Variants in CYP27A1 observed in about 807,000 individuals in gnomAD.
CYP27A1 encodes sterol 26-hydroxylase, mitochondrial.
A neutral mutation model predicts 58.2 loss-of-function variants in CYP27A1; 46 were observed. The ratio of observed to expected loss-of-function variants is 0.79; its 90% CI spans 0.62 to 1.01. CYP27A1 has a LOEUF of 1.01. Ranked by LOEUF, CYP27A1 falls within the 50% of genes least tolerant of loss-of-function variation. The pLI is 0.00. For synonymous variants in CYP27A1, 274 were observed against 285.1 expected (o/e 0.96, Z 0.39); for missense variants, 704 against 687.0 (o/e 1.02, Z -0.28).
In CYP27A1 at chr2:218,812,368, CG is replaced by C. The variant is rs780580882; in HGVS notation, c.597del (p.Asn200ThrfsTer39). 4 of 1,614,074 alleles carry C rather than the reference CG, an allele frequency of 2.5e-6. No individual in the cohort carries two copies. On this transcript the variant is annotated frameshift_variant, in exon 3 of 9. Coordinates refer to ENST00000258415, the MANE Select transcript of CYP27A1 (RefSeq NM_000784.4). LOFTEE classifies it high-confidence loss of function. ...RLDQLRAESASGNQVSDMAQL... is the reference protein window; with the variant it reads ...RLDQLRAESAXGNQVSDMAQL... ...GACCAGCTGCGGGCAGAGAGTGCTT[CG>C]GGGAACCAGGTGTCGGACATGGCTC... is the stretch of plus-strand genomic sequence containing the variant.
intron 1 of CYP27A1, among the ~76,000 whole-genome samples, chr2:218,784,954 C>T (rs1407318723): frequency 6.6e-6 from 1 of 152,108 alleles, no homozygotes; most frequent in Admixed American, 6.5e-5. Context: ...TTTCCATGGA[C>T]TGGGGTGGTG....
chr2:218,809,799 G>A, intron 2 of CYP27A1, 32 bp downstream of exon 2: 1 of 1,597,660 alleles, frequency 6.3e-7, no homozygotes, highest in East Asian at 2.2e-5. Context: ...CTGGAACAGG[G>A]CCCCAGAGGG....
chr2:218,784,842 A>G (rs555970820), intron 1 of CYP27A1, among the ~76,000 whole-genome samples: 1 of 152,304 alleles, frequency 6.6e-6, no homozygotes, highest in Non-Finnish European at 1.5e-5. Context: ...GGGGCAGGTC[A>G]CAAAATACTG....
chr2:218,795,082 C>T (rs1359316846), intron 1 of CYP27A1, among the ~76,000 whole-genome samples: 1 of 152,230 alleles, frequency 6.6e-6, no homozygotes, highest in Non-Finnish European at 1.5e-5. Context: ...ACCTATGTCT[C>T]TATTCCCACT....
At chr2:218,792,064 TACACACACAC>T (rs61540539) in intron 1 of CYP27A1, among the ~76,000 whole-genome samples, 1 of 149,954 alleles carries the variant, frequency 6.7e-6, no homozygotes, top group Non-Finnish European at 1.5e-5. Context: ...TAGAAGTCAC[TACACACACAC>T]ACACACACAC....
intron 1 of CYP27A1, among the ~76,000 whole-genome samples, chr2:218,800,175 T>C (rs1002303406): frequency 6.6e-6 from 1 of 152,166 alleles, no homozygotes; most frequent in Non-Finnish European, 1.5e-5. Context: ...GATGAGAAGC[T>C]GTCTTGGGAC....
At chr2:218,807,317 A>C (rs1243858236) in intron 1 of CYP27A1, among the ~76,000 whole-genome samples, 2 of 152,254 alleles carry the variant, frequency 1.3e-5, no homozygotes, top group Admixed American at 6.5e-5. Context: ...TTTAAAAAGC[A>C]ACCTTTAAGG....
In CYP27A1 at chr2:218,809,441, C is replaced by A. The variant is rs34546624; in HGVS notation, c.256-136C>A. On this transcript the variant is annotated intron_variant, in intron 1 of 8. Transcript: ENST00000258415. The stretch of plus-strand genomic sequence containing the variant: ...CTGGTGCCTACATCATACACAATGC[C>A]CTTTTTTTTTTTTTTTTTTTTTTGC... 8,322 of 661,940 alleles carry A rather than the reference C, an allele frequency of 0.013. 1,263 individuals are homozygous for A. In the African/African-American group the frequency reaches 0.2, roughly 16 times the overall value. The allele number at this position is 661,940 out of a possible 1,614,324, so 41.0% of individuals were successfully genotyped here.
chr2:218,811,770 A>T (rs1188777602), intron 2 of CYP27A1, among the ~76,000 whole-genome samples: 2 of 152,234 alleles, frequency 1.3e-5, no homozygotes, highest in African/African-American at 4.8e-5. Context: ...GGAAGATTCC[A>T]GAGCTGTATA....
intron 1 of CYP27A1, among the ~76,000 whole-genome samples, chr2:218,795,139 T>C (rs998305093): frequency 1.3e-5 from 2 of 152,194 alleles, no homozygotes; most frequent in Non-Finnish European, 2.9e-5. Context: ...ATGCCATGGA[T>C]ACTAGCATGA....
chr2:218,787,419 C>A (rs1943450909), intron 1 of CYP27A1, among the ~76,000 whole-genome samples: 1 of 152,224 alleles, frequency 6.6e-6, no homozygotes, highest in East Asian at 1.9e-4. Flanking sequence ...ATGTTGTCAT[C>A]ACATTCAGCA....
intron 5 of CYP27A1, among the ~76,000 whole-genome samples, chr2:218,813,436 T>C (rs1415487141): frequency 6.6e-6 from 1 of 151,860 alleles, no homozygotes; most frequent in Non-Finnish European, 1.5e-5. Context: ...TTCTTTTTTG[T>C]TTTTTTTAAG....
Position 218,782,191 on chromosome 2 carries a change from G to T in CYP27A1, c.9G>T (p.Ala3=), listed in dbSNP as rs971599666. The part of the protein sequence containing the change: MA[A]LGCARLRWAL... ...GCGCGCGAGCACAACCCATGGCTGC[G>T]CTGGGCTGCGCGAGGCTGAGGTGGG... Residue 3 remains alanine (A), a synonymous_variant, in exon 1 of 9, where the codon GCG becomes GCT. Transcript: ENST00000258415. This position sits in a 1 kb window ranked among gnomAD's most constrained non-coding sequence, Gnocchi z 4.1. 5 of 1,537,084 alleles carry T rather than the reference G, an allele frequency of 3.3e-6. No individual in the cohort carries two copies. The highest frequency in any genetic ancestry group is 3.5e-6 in the Non-Finnish European group (4 of 1,146,016).
At chr2:218,804,882 G>T (rs940248781) in intron 1 of CYP27A1, among the ~76,000 whole-genome samples, 5 of 152,210 alleles carry the variant, frequency 3.3e-5, no homozygotes, top group Non-Finnish European at 7.3e-5. Flanking sequence ...AGTTCTGTAG[G>T]CTAGAAGTGA....
At position 218,810,012 on chromosome 2, in the gene CYP27A1, A is replaced by G. The variant is rs983791554; in HGVS notation, c.446+245A>G. 8.6e-5 allele frequency among the ~76,000 whole-genome samples: 13 copies of G among 151,984 alleles called. 1 individual carries two copies. The highest frequency in any genetic ancestry group is 8.5e-4 in the Admixed American group (13 of 15,258). ...TTCACCATTTAAAATTATGGCAAAA[A>G]CCACACCTGTAATCCCAGCACTTTG... On this transcript the variant is annotated intron_variant, in intron 2 of 8. Transcript: ENST00000258415.
chr2:218,809,846 G>A, intron 2 of CYP27A1, 79 bp downstream of exon 2: 1 of 1,367,148 alleles, frequency 7.3e-7, no homozygotes, highest in South Asian at 1.3e-5. Flanking sequence ...GCAGGCAGGT[G>A]GATAACCGGC....
chr2:218,794,386 C>T (rs1399039485), intron 1 of CYP27A1, among the ~76,000 whole-genome samples: 3 of 152,158 alleles, frequency 2.0e-5, no homozygotes, highest in African/African-American at 4.8e-5. Context: ...TAAGGGTCCC[C>T]GGCAAAACGG....
At chr2:218,800,979 C>A (rs1218143208) in intron 1 of CYP27A1, among the ~76,000 whole-genome samples, 1 of 152,048 alleles carries the variant, frequency 6.6e-6, no homozygotes, top group African/African-American at 2.4e-5. Context: ...TTTACTGGAC[C>A]CTGTTGGTAT....
intron 1 of CYP27A1, among the ~76,000 whole-genome samples, chr2:218,787,444 G>A (rs1429562806): frequency 6.6e-6 from 1 of 152,200 alleles, no homozygotes; most frequent in East Asian, 1.9e-4. Flanking sequence ...CAGATTACTG[G>A]GGACTGACCC....
Sources: allele counts gnomAD v4.1 joint callset (sites outside exome capture counted in the v4.1 genomes callset), GRCh38; gene constraint gnomAD v4.1.1; non-coding constraint Gnocchi (gnomAD v3.1); transcripts MANE v1.5; gene names NCBI Gene and HGNC (gene_info 2026-07-23, HGNC 2026-07-21).